The following LY9 variants were observed in gnomAD, a reference collection of about 807,000 sequenced individuals.
The protein encoded by LY9 is T-lymphocyte surface antigen Ly-9.
LY9 carries 59 observed loss-of-function variants against 64.6 expected under a neutral mutation model. The ratio of observed to expected loss-of-function variants is 0.91; its 90% CI spans 0.74 to 1.13. The LOEUF is 1.13. LY9 is among the 50% of genes most tolerant of loss of function. LY9 has a pLI of 0.00. For missense variants in LY9, 789 were observed against 797.2 expected (o/e 0.99, Z 0.12); for synonymous variants, 281 against 308.5 (o/e 0.91, Z 0.93).
In LY9 at chr1:160,813,802, T is replaced by TA; in HGVS notation, c.622dup (p.Thr208AsnfsTer8). 6.2e-7 allele frequency: 1 copy of TA among 1,614,174 alleles called. No homozygotes were observed. The highest frequency in any genetic ancestry group is 8.5e-7 in the Non-Finnish European group (1 of 1,180,022). On this transcript the variant is annotated frameshift_variant, in exon 3 of 10. Coordinates refer to ENST00000263285, the MANE Select transcript of LY9 (RefSeq NM_002348.4). LOFTEE classifies it high-confidence loss of function. ...CTGAGTCCAATGGAGGCTCCATTCT[T>TA]ACCGTCTCCCGAACACCATGTGACC...
Position 160,823,707 on chromosome 1 carries a change from G to A in LY9, c.1741G>A (p.Ala581Thr), listed in dbSNP as rs1425179558. 1 of 1,614,188 alleles carries A rather than the reference G, an allele frequency of 6.2e-7. No homozygotes were observed. The highest frequency in any genetic ancestry group is 8.5e-7 in the Non-Finnish European group (1 of 1,180,010). Residue 581 changes from alanine (A) to threonine (T), a missense_variant, in exon 8 of 10, where the codon GCA (alanine) becomes ACA (threonine). By Grantham distance (58) the Ala-to-Thr change is moderately conservative. Transcript: ENST00000263285. ...AGHDPAPEGQADYDPVTPYVT... is the reference protein window; with the variant it reads ...AGHDPAPEGQTDYDPVTPYVT... ...ACATGACCCAGCCCCTGAGGGCCAA[G>A]CAGACTATGATCCCGTCACTCCATA...
At chr1:160,817,822 G>T (rs536473636) in intron 5 of LY9, among the ~76,000 whole-genome samples, 16 of 152,186 alleles carry the variant, frequency 1.1e-4, no homozygotes, top group Admixed American at 1.0e-3. Flanking sequence ...ATCTGACAAT[G>T]TTGGGTCAGA....
rs150222062 is a variant in LY9 at position 160,806,369 on chromosome 1, C to T, written c.454+6287C>T. The stretch of plus-strand genomic sequence containing the variant: ...ATGAGTTTTATACTTCTGTGTGTTT[C>T]CATCATGGTAAATGTCATCTTTTGC... On this transcript the variant is annotated intron_variant, in intron 2 of 9. Transcript: ENST00000263285. Among the ~76,000 whole-genome samples the T allele has an allele frequency of 4.5e-3, 688 of 152,204 alleles. 6 individuals are homozygous for T. Among genetic ancestry groups the T allele is most frequent in the East Asian group, 0.035 (184 of 5,190 alleles).
intron 1 of LY9, among the ~76,000 whole-genome samples, chr1:160,796,768 T>C (rs1414546295): frequency 1.3e-5 from 2 of 152,148 alleles, no homozygotes; most frequent in East Asian, 3.8e-4. Flanking sequence ...GGGGGTAACA[T>C]TCTAGCCCCG....
At position 160,814,563 on chromosome 1, in the gene LY9, G is replaced by C. The variant is rs3737784; in HGVS notation, c.874G>C (p.Glu292Gln). The C allele has an allele frequency of 5.8e-5, 94 of 1,614,070 alleles. 1 individual carries two copies. In the East Asian group the frequency reaches 2.0e-3, roughly 35 times the overall value. The change falls in exon 4 of 10, where the codon GAG becomes CAG. Residue 292 changes from glutamate to glutamine, a missense_variant. By Grantham distance (29) the Glu-to-Gln change is conservative. Coordinates refer to ENST00000263285, the MANE Select transcript of LY9 (RefSeq NM_002348.4). ...WLFNTSIISK[E>Q]REEAATADPL... ...GTTTAACACATCCATCATTAGCAAAGAGAGGGAAGAAGCAGCAACGGCAGA... is the reference window on the plus strand; with the variant it reads ...GTTTAACACATCCATCATTAGCAAACAGAGGGAAGAAGCAGCAACGGCAGA...
In LY9 at chr1:160,813,887, G is replaced by A; in HGVS notation, c.706G>A (p.Val236Ile). Residue 236 changes from valine (V) to isoleucine (I), a missense_variant, in exon 3 of 10, where the codon GTC becomes ATC. By Grantham distance (29) the Val-to-Ile change is conservative. Transcript: ENST00000263285. ...CGTCAGCCAGAGAAGCTCCCTCCCT[G>A]TCCATGTTGGGCAGTTCTGTACAGG... ...NPVSQRSSLP[V>I]HVGQFCTDPG... is the part of the protein sequence containing the mutation. The A allele has an allele frequency of 6.2e-7, 1 of 1,614,040 alleles. No individual in the cohort carries two copies. Among genetic ancestry groups the A allele is most frequent in the Non-Finnish European group, 8.5e-7 (1 of 1,179,982 alleles).
chr1:160,801,824 C>A, intron 2 of LY9: 24 of 1,614,096 alleles, frequency 1.5e-5, no homozygotes, highest in Non-Finnish European at 2.0e-5. Flanking sequence ...TCCACGTCAT[C>A]GAGGGTGACC....
Position 160,813,931 on chromosome 1 carries a change from C to T in LY9, c.730+20C>T, listed in dbSNP as rs771293526. On this transcript the variant is annotated intron_variant, in intron 3 of 9. Coordinates refer to ENST00000263285, the MANE Select transcript of LY9 (RefSeq NM_002348.4). ...GTACAGGTAACTGGCTCCAACTTGG[C>T]CCTTGAGGGAATTCCAGAAACAATA... The T allele has an allele frequency of 1.9e-6, 3 of 1,602,836 alleles. No individual in the cohort carries two copies. The highest frequency in any genetic ancestry group is 1.1e-5 in the South Asian group (1 of 89,908).
chr1:160,818,818 G>A (rs374280776), intron 6 of LY9, among the ~76,000 whole-genome samples: 1 of 152,148 alleles, frequency 6.6e-6, no homozygotes, highest in Non-Finnish European at 1.5e-5. Context: ...GGAAGAAAAT[G>A]TGCTTCCCTC....
Position 160,814,582 on chromosome 1 carries a change from C to G in LY9, c.893C>G (p.Thr298Arg). Residue 298 changes from threonine to arginine, a missense_variant, in exon 4 of 10, where the codon ACG becomes AGG. Thr to Arg is a moderately conservative substitution (Grantham distance 71, BLOSUM62 -1). Coordinates refer to ENST00000263285, the MANE Select transcript of LY9 (RefSeq NM_002348.4). ...IISKEREEAA[T>R]ADPLIKSRDP... ...AGCAAAGAGAGGGAAGAAGCAGCAA[C>G]GGCAGATCCACTCATTAAATCCAGG... 2 of 1,614,132 alleles carry G rather than the reference C, an allele frequency of 1.2e-6. No individual in the cohort carries two copies. Among genetic ancestry groups the G allele is most frequent in the Admixed American group, 3.3e-5 (2 of 60,018 alleles).
intron 9 of LY9, among the ~76,000 whole-genome samples, chr1:160,824,966 C>A (rs923757215): frequency 8.3e-6 from 1 of 120,084 alleles, no homozygotes; most frequent in African/African-American, 3.4e-5. Flanking sequence ...GGCAACAGAA[C>A]AAGACTCCAT....
chr1:160,816,655 G>A lies in LY9; in HGVS notation c.1134G>A (p.Arg378=). ...SLRHSEDGIC[R]ISLTCSVEDG... ...GGCACAGTGAGGATGGCATCTGCAG[G>A]ATCAGCCTGACCTGCTCCGTGGAGG... The change falls in exon 5 of 10, where the codon AGG becomes AGA. Residue 378 remains arginine, a synonymous_variant. Coordinates refer to ENST00000263285, the MANE Select transcript of LY9 (RefSeq NM_002348.4). 6.2e-7 allele frequency: 1 copy of A among 1,614,038 alleles called. No individual in the cohort carries two copies. Among genetic ancestry groups the A allele is most frequent in the South Asian group, 1.1e-5 (1 of 91,040 alleles).
At chr1:160,806,781 G>A (rs1165309408) in intron 2 of LY9, among the ~76,000 whole-genome samples, 1 of 152,112 alleles carries the variant, frequency 6.6e-6, no homozygotes, top group Non-Finnish European at 1.5e-5. Context: ...CTAGACTTGG[G>A]GAGTTTTCTG....
Position 160,824,215 on chromosome 1 carries a change from C to G in LY9, c.1865C>G (p.Ser622Ter), listed in dbSNP as rs754330271. 9.9e-6 allele frequency: 16 copies of G among 1,614,040 alleles called. No individual in the cohort carries two copies. In the East Asian group the frequency reaches 3.3e-4, roughly 34 times the overall value. Reference sequence around the variant, plus strand: ...CCAGTTTCTCAGAAGGAAGAGAGCTCAGCCACAATCTACTGCTCCATACGG... The same window carrying G: ...CCAGTTTCTCAGAAGGAAGAGAGCTGAGCCACAATCTACTGCTCCATACGG... Reference protein sequence around the residue: ...KTPVSQKEESSATIYCSIRKP... With the variant: ...KTPVSQKEES Residue 622 changes from serine to a stop codon, truncating the protein, a stop_gained, in exon 9 of 10, where the codon TCA becomes TGA. Coordinates refer to ENST00000263285, the MANE Select transcript of LY9 (RefSeq NM_002348.4). LOFTEE classifies it low-confidence loss of function (END_TRUNC).
At position 160,827,933 on chromosome 1, in the gene LY9, A is replaced by G. The variant is rs1668947894; in HGVS notation, c.*117A>G. On this transcript the variant is annotated 3_prime_UTR_variant, in exon 10 of 10. Coordinates refer to ENST00000263285, the MANE Select transcript of LY9 (RefSeq NM_002348.4). ...CTCAGAATTTCCTTCAGTGCCTCAG[A>G]GATGCCTGGATGTGGCCCCTCCCCC... The G allele has an allele frequency of 2.7e-6, 2 of 748,142 alleles. No individual in the cohort carries two copies. The highest frequency in any genetic ancestry group is 4.6e-5 in the Admixed American group (2 of 43,500). 46.3% of individuals were successfully genotyped at this position (748,142 alleles called of 1,614,324 possible).
intron 2 of LY9, among the ~76,000 whole-genome samples, chr1:160,805,812 T>C (rs1046177482): frequency 1.3e-5 from 2 of 151,560 alleles, no homozygotes; most frequent in Admixed American, 1.3e-4. Context: ...CTGGTAATAT[T>C]TGCTTTATGA....
chr1:160,827,411 T>C (rs1489714068), intron 9 of LY9, among the ~76,000 whole-genome samples: 1 of 152,204 alleles, frequency 6.6e-6, no homozygotes, highest in Non-Finnish European at 1.5e-5. Context: ...TTATAAATGT[T>C]CGTTTTGTTT....
In LY9 at chr1:160,808,247, C is replaced by T. The variant is rs1667170596; in HGVS notation, c.455-5389C>T. 1.3e-5 allele frequency among the ~76,000 whole-genome samples: 2 copies of T among 152,208 alleles called. 1 individual carries two copies. The highest frequency in any genetic ancestry group is 4.1e-4 in the South Asian group (2 of 4,836). ...GGACCAGAAACTGCAGCCCACACCT[C>T]TCTTGCTACTTAGCTCTACCTGCAG... On this transcript the variant is annotated intron_variant, in intron 2 of 9. Coordinates refer to ENST00000263285, the MANE Select transcript of LY9 (RefSeq NM_002348.4).
chr1:160,802,128 T>C, intron 2 of LY9: 2 of 1,347,434 alleles, frequency 1.5e-6, no homozygotes, highest in Non-Finnish European at 1.9e-6. Context: ...TGGAGACTCC[T>C]GGTCTGTGAA....
Sources: allele counts gnomAD v4.1 joint callset (sites outside exome capture counted in the v4.1 genomes callset), GRCh38; gene constraint gnomAD v4.1.1; transcripts MANE v1.5; gene names NCBI Gene and HGNC (gene_info 2026-07-23, HGNC 2026-07-21).